The following NDUFS4 variants were observed in gnomAD, a reference collection of about 807,000 sequenced individuals.
The protein encoded by NDUFS4 is NADH dehydrogenase [ubiquinone] iron-sulfur protein 4, mitochondrial.
A neutral mutation model predicts 24.3 loss-of-function variants in NDUFS4; 28 were observed. The observed-to-expected ratio is 1.15, with a 90% confidence interval of 0.85 to 1.58. The LOEUF is 1.58. Ranked by LOEUF, NDUFS4 falls within the 40% of genes most tolerant of loss-of-function variation. The pLI, the probability that NDUFS4 is intolerant of heterozygous loss-of-function variation, is 0.00. For missense variants in NDUFS4, 223 were observed against 207.9 expected, an observed-to-expected ratio of 1.07 and a Z score of -0.45; for synonymous variants, 93 against 69.7, an observed-to-expected ratio of 1.34 and a Z score of -1.67.
intron 2 of NDUFS4, among the ~76,000 whole-genome samples, chr5:53,619,039 G>A (rs1206224269): frequency 1.3e-5 from 2 of 151,582 alleles, no homozygotes; most frequent in African/African-American, 4.8e-5. Context: ...GCTTGAACCC[G>A]GGAGGCGGAG....
At chr5:53,573,134 G>A (rs775344074) in intron 1 of NDUFS4, among the ~76,000 whole-genome samples, 7 of 151,100 alleles carry the variant, frequency 4.6e-5, no homozygotes, top group Non-Finnish European at 1.5e-5. Context: ...ACCATGCCTC[G>A]CTAATTTTTA....
intron 2 of NDUFS4, among the ~76,000 whole-genome samples, chr5:53,637,911 C>G (rs1751604444): frequency 6.6e-6 from 1 of 152,064 alleles, no homozygotes; most frequent in Non-Finnish European, 1.5e-5. Context: ...GACTATTGCT[C>G]ACTGCAAACA....
At chr5:53,595,696 C>T (rs1044939627) in intron 1 of NDUFS4, among the ~76,000 whole-genome samples, 1 of 152,178 alleles carries the variant, frequency 6.6e-6, no homozygotes, top group African/African-American at 2.4e-5. Context: ...TCTTCAATTC[C>T]ATTTCAGAGT....
At chr5:53,657,368 T>C (rs1226329108) in intron 3 of NDUFS4, among the ~76,000 whole-genome samples, 1 of 152,150 alleles carries the variant, frequency 6.6e-6, no homozygotes, top group Non-Finnish European at 1.5e-5. Flanking sequence ...TATATAATTA[T>C]AGGAATCTCA....
chr5:53,681,063 C>T (rs914579853), intron 4 of NDUFS4, among the ~76,000 whole-genome samples: 2 of 152,108 alleles, frequency 1.3e-5, no homozygotes, highest in Non-Finnish European at 2.9e-5. Flanking sequence ...TTAATGGGCT[C>T]TAATGTAATG....
At chr5:53,661,979 A>G (rs1486022622) in intron 4 of NDUFS4, among the ~76,000 whole-genome samples, 1 of 152,062 alleles carries the variant, frequency 6.6e-6, no homozygotes, top group Non-Finnish European at 1.5e-5. Context: ...CTAATTGAAT[A>G]CCCTTTATTT....
At chr5:53,580,593 A>T (rs10036010) in intron 1 of NDUFS4, among the ~76,000 whole-genome samples, 1 of 152,140 alleles carries the variant, frequency 6.6e-6, no homozygotes, top group African/African-American at 2.4e-5. Context: ...CAAATCCAGC[A>T]TACCTGAAAC....
intron 2 of NDUFS4, among the ~76,000 whole-genome samples, chr5:53,617,359 C>A (rs1483194245): frequency 1.3e-5 from 2 of 152,114 alleles, no homozygotes; most frequent in Non-Finnish European, 2.9e-5. Context: ...CTTTTGCTGA[C>A]TATGTAGCTG....
chr5:53,562,733 G>A (rs530928739), intron 1 of NDUFS4, among the ~76,000 whole-genome samples: 3 of 152,172 alleles, frequency 2.0e-5, no homozygotes, highest in Non-Finnish European at 4.4e-5. Flanking sequence ...TCATCCTTAA[G>A]CATTCTTTTT....
In NDUFS4 at chr5:53,645,945, AAC is replaced by A. The variant is rs146316418; in HGVS notation, c.178-286_178-285del. Among the ~76,000 whole-genome samples the A allele has an allele frequency of 3.1e-3, 469 of 152,298 alleles. 2 individuals carry two copies. The highest frequency in any genetic ancestry group is 0.01 in the African/African-American group (417 of 41,566). On this transcript the variant is annotated intron_variant, in intron 2 of 4. Transcript: ENST00000296684. The stretch of plus-strand genomic sequence containing the variant: ...TTGACTACAGGCTCTTCTGCGAGCA[AAC>A]AGTCTCTTCAGAAAATACCAATGCT...
chr5:53,640,281 C>A (rs1335416153), intron 2 of NDUFS4, among the ~76,000 whole-genome samples: 1 of 151,530 alleles, frequency 6.6e-6, no homozygotes, highest in Non-Finnish European at 1.5e-5. Context: ...TATGGAATAT[C>A]AAAAGGAGGA....
intron 2 of NDUFS4, among the ~76,000 whole-genome samples, chr5:53,607,148 A>G (rs116765096): frequency 0.014 from 2,193 of 152,268 alleles, 51 homozygotes; most frequent in African/African-American, 0.05. Flanking sequence ...TCAATTGGTT[A>G]TTATCTTTGG....
chr5:53,603,719 C>A (rs1442762964), intron 2 of NDUFS4, among the ~76,000 whole-genome samples, 189 bp downstream of exon 2: 3 of 152,018 alleles, frequency 2.0e-5, no homozygotes, highest in Non-Finnish European at 4.4e-5. Context: ...TAAACAAATA[C>A]AAAACCATAT....
intron 4 of NDUFS4, among the ~76,000 whole-genome samples, chr5:53,664,874 G>A (rs983499146): frequency 6.6e-6 from 1 of 152,224 alleles, no homozygotes; most frequent in Non-Finnish European, 1.5e-5. Flanking sequence ...CTGGTGCAGA[G>A]CTGCATTCCT....
intron 1 of NDUFS4, among the ~76,000 whole-genome samples, chr5:53,579,028 G>T (rs1438213375): frequency 1.3e-5 from 2 of 152,104 alleles, no homozygotes; most frequent in South Asian, 4.1e-4. Context: ...AAATAGCTTT[G>T]ATCAAGGTCA....
At chr5:53,577,331 T>C (rs1260381816) in intron 1 of NDUFS4, among the ~76,000 whole-genome samples, 4 of 152,204 alleles carry the variant, frequency 2.6e-5, no homozygotes. Flanking sequence ...TGAGGCGTAA[T>C]GGGCTCACTT....
At chr5:53,670,434 GAAA>G (rs142516156) in intron 4 of NDUFS4, among the ~76,000 whole-genome samples, 1 of 147,590 alleles carries the variant, frequency 6.8e-6, no homozygotes, top group Non-Finnish European at 1.5e-5. Flanking sequence ...GACTTAGTAT[GAAA>G]AAAAAAAGTA....
Position 53,609,935 on chromosome 5 carries a change from G to A in NDUFS4, c.177+6405G>A, listed in dbSNP as rs534330885. On this transcript the variant is annotated intron_variant, in intron 2 of 4. Coordinates refer to ENST00000296684, the MANE Select transcript of NDUFS4 (RefSeq NM_002495.4). ...ATTAAGGGAATGTTGTAGCTGGTTT[G>A]ATCTTCTATCCACTGAAACTTTCTC... is the stretch of plus-strand genomic sequence containing the variant. Among the ~76,000 whole-genome samples, 7 of 152,242 alleles carry A rather than the reference G, an allele frequency of 4.6e-5. No individual in the cohort carries two copies. The South Asian group carries it at 1.4e-3, about 31-fold the overall frequency.
At chr5:53,634,058 A>G (rs369392406) in intron 2 of NDUFS4, among the ~76,000 whole-genome samples, 2 of 152,220 alleles carry the variant, frequency 1.3e-5, no homozygotes, top group East Asian at 1.9e-4. Context: ...AGGTTTGTGT[A>G]TATTGCTTAC....
Sources: allele counts gnomAD v4.1 joint callset (sites outside exome capture counted in the v4.1 genomes callset), GRCh38; gene constraint gnomAD v4.1.1; transcripts MANE v1.5; gene names NCBI Gene and HGNC (gene_info 2026-07-23, HGNC 2026-07-21).